The following TENM2 variants were observed in gnomAD, a reference collection of about 807,000 sequenced individuals.
TENM2 encodes the protein teneurin-2.
Under a neutral mutation model 245.2 loss-of-function variants are expected in TENM2, and 52 were observed. The ratio of observed to expected loss-of-function variants is 0.21; its 90% CI spans 0.17 to 0.27. TENM2 has a LOEUF of 0.27. Ranked by LOEUF, TENM2 falls within the 10% of genes least tolerant of loss-of-function variation. TENM2 has a pLI of 1.00. For synonymous variants in TENM2, 1,363 were observed against 1,438.9 expected (o/e 0.95, Z 1.19); for missense variants, 3,046 against 3,666.8 (o/e 0.83, Z 4.37).
At chr5:167,679,724 G>A (rs1196790554) in intron 2 of TENM2, among the ~76,000 whole-genome samples, 1 of 152,034 alleles carries the variant, frequency 6.6e-6, no homozygotes, top group African/African-American at 2.4e-5. Context: ...TTCTATTGTG[G>A]ACCAGTATTT....
intron 2 of TENM2, among the ~76,000 whole-genome samples, chr5:167,617,590 A>G (rs1777871736): frequency 6.6e-6 from 1 of 152,146 alleles, no homozygotes; most frequent in Non-Finnish European, 1.5e-5. Context: ...AGCCTTTTGC[A>G]GACTCATATT....
chr5:168,238,661 C>A (rs530319108), intron 25 of TENM2, among the ~76,000 whole-genome samples: 2 of 152,284 alleles, frequency 1.3e-5, no homozygotes, highest in African/African-American at 4.8e-5. Flanking sequence ...CCAGCAGGGC[C>A]GTTTTGAAGA....
chr5:167,586,959 C>A (rs535308613), intron 2 of TENM2, among the ~76,000 whole-genome samples: 1 of 152,220 alleles, frequency 6.6e-6, no homozygotes, highest in Admixed American at 6.5e-5. Context: ...AATTGTTGGG[C>A]TCTGAGGGGG....
At chr5:167,655,512 T>C (rs1424808272) in intron 2 of TENM2, among the ~76,000 whole-genome samples, 1 of 152,190 alleles carries the variant, frequency 6.6e-6, no homozygotes, top group Non-Finnish European at 1.5e-5. Flanking sequence ...CTGAAAGGCT[T>C]CAACTGTGCT....
chr5:168,180,949 G>A (rs1000626237), intron 13 of TENM2, among the ~76,000 whole-genome samples: 1 of 151,940 alleles, frequency 6.6e-6, no homozygotes, highest in Non-Finnish European at 1.5e-5. Flanking sequence ...TTTAGTCTCA[G>A]GAATTCAGTA....
At chr5:167,895,340 G>A (rs73372713) in intron 3 of TENM2, among the ~76,000 whole-genome samples, 1,963 of 152,230 alleles carry the variant, frequency 0.013, 45 homozygotes, top group African/African-American at 0.044. Flanking sequence ...ACCATCTGCT[G>A]AGCATTTTCT....
At chr5:167,890,920 A>T (rs1426676299) in intron 3 of TENM2, among the ~76,000 whole-genome samples, 1 of 152,194 alleles carries the variant, frequency 6.6e-6, no homozygotes, top group Admixed American at 6.5e-5. Context: ...CACTACAACC[A>T]TCTGGTGAGG....
chr5:167,181,224 G>A, the TENM2 span, among the ~76,000 whole-genome samples: 1 of 152,108 alleles, frequency 6.6e-6, no homozygotes, highest in Non-Finnish European at 1.5e-5. Flanking sequence ...TGCTGACCTG[G>A]TTGGCCTGAT....
chr5:167,391,647 A>AAAAAAAAAAAAAAAAAAAAAAAAAAAAT (rs70976420), intron 2 of TENM2, among the ~76,000 whole-genome samples: 1 of 126,838 alleles, frequency 7.9e-6, no homozygotes, highest in South Asian at 2.6e-4. Flanking sequence ...AAAAAAAAAA[A>AAAAAAAAAAAAAAAAAAAAAAAAAAAAT]GCACTCTCAA....
At chr5:167,757,064 A>G (rs976132958) in intron 2 of TENM2, among the ~76,000 whole-genome samples, 3 of 148,668 alleles carry the variant, frequency 2.0e-5, no homozygotes, top group Non-Finnish European at 4.5e-5. Context: ...TTTAAATTTT[A>G]TATTATATTT....
At chr5:168,083,975 A>G (rs868241953) in intron 7 of TENM2, among the ~76,000 whole-genome samples, 22 of 152,246 alleles carry the variant, frequency 1.4e-4, no homozygotes, top group South Asian at 1.0e-3. Flanking sequence ...ATTTCCGTGC[A>G]TACCCAATGC....
chr5:167,612,606 G>A (rs72819682), intron 2 of TENM2, among the ~76,000 whole-genome samples: 2,241 of 152,226 alleles, frequency 0.015, 25 homozygotes, highest in Non-Finnish European at 0.024. Context: ...TTTGAAATAT[G>A]TCAGATAGCT....
the TENM2 span, among the ~76,000 whole-genome samples, chr5:167,175,150 A>T: frequency 1.3e-5 from 2 of 152,238 alleles, no homozygotes; most frequent in Non-Finnish European, 2.9e-5. Context: ...GAACACCGAC[A>T]TCCCTATTGG....
At chr5:166,993,315 G>A in the TENM2 span, among the ~76,000 whole-genome samples, 4 of 152,090 alleles carry the variant, frequency 2.6e-5, no homozygotes, top group South Asian at 4.1e-4. Context: ...GCCCTCCCGC[G>A]AGGGTCTCCA....
At chr5:167,659,177 A>G (rs1407567261) in intron 2 of TENM2, among the ~76,000 whole-genome samples, 1 of 152,244 alleles carries the variant, frequency 6.6e-6, no homozygotes, top group African/African-American at 2.4e-5. Flanking sequence ...TTGCGGGAGC[A>G]GTTGATGCAT....
At chr5:167,012,102 T>C in the TENM2 span, among the ~76,000 whole-genome samples, 390 of 152,266 alleles carry the variant, frequency 2.6e-3, 2 homozygotes, top group African/African-American at 8.9e-3. Flanking sequence ...CCTTAAGGGA[T>C]TTTATTGGCC....
At chr5:167,547,057 G>C (rs948036467) in intron 2 of TENM2, among the ~76,000 whole-genome samples, 2 of 152,062 alleles carry the variant, frequency 1.3e-5, no homozygotes, top group African/African-American at 4.8e-5. Flanking sequence ...TTTTTTGATA[G>C]ACCAGCATCT....
chr5:167,973,534 G>A (rs1351880328), intron 4 of TENM2, among the ~76,000 whole-genome samples: 5 of 152,176 alleles, frequency 3.3e-5, no homozygotes, highest in Non-Finnish European at 4.4e-5. Flanking sequence ...TATTGATATA[G>A]GATGTTGTAA....
At chr5:167,461,398 A>G (rs945089257) in intron 2 of TENM2, among the ~76,000 whole-genome samples, 56 of 152,264 alleles carry the variant, frequency 3.7e-4, no homozygotes, top group Middle Eastern at 6.8e-3. Flanking sequence ...AGACAGCTCC[A>G]TTCCAGGAGG....
Sources: allele counts gnomAD v4.1 joint callset (sites outside exome capture counted in the v4.1 genomes callset), GRCh38; gene constraint gnomAD v4.1.1; transcripts MANE v1.5; gene names NCBI Gene and HGNC (gene_info 2026-07-23, HGNC 2026-07-21).